Variants in DNAH3 observed in about 807,000 individuals in gnomAD.
DNAH3 encodes the protein axonemal beta dynein heavy chain 3.
DNAH3 carries 332 observed loss-of-function variants against 432.5 expected under a neutral mutation model. The observed-to-expected ratio is 0.77, with a 90% CI of 0.70 to 0.84. DNAH3 has a LOEUF of 0.84. DNAH3 is among the 40% of genes least tolerant of loss of function. DNAH3 has a pLI of 0.00. For synonymous variants in DNAH3, 1,956 were observed against 1,900.2 expected (o/e 1.03, Z -0.76); for missense variants, 4,861 against 5,114.0 (o/e 0.95, Z 1.51).
chr16:21,079,189 T>C (rs553978999), intron 20 of DNAH3, among the ~76,000 whole-genome samples: 1 of 152,348 alleles, frequency 6.6e-6, no homozygotes, highest in East Asian at 1.9e-4. Context: ...GTTCAAATCT[T>C]GATTCTTTCC....
chr16:20,939,372 G>A (rs1451204836), intron 59 of DNAH3, among the ~76,000 whole-genome samples: 2 of 152,186 alleles, frequency 1.3e-5, no homozygotes, highest in Non-Finnish European at 2.9e-5. Flanking sequence ...AGCACTTTGG[G>A]AGGCCAAGGT....
intron 37 of DNAH3, among the ~76,000 whole-genome samples, chr16:21,028,523 T>C (rs1012866999): frequency 2.1e-5 from 3 of 141,294 alleles, no homozygotes; most frequent in Non-Finnish European, 4.6e-5. Flanking sequence ...AAAAAAAAAA[T>C]AGCCGGGCAT....
At chr16:21,008,782 T>C (rs1046962281) in intron 41 of DNAH3, among the ~76,000 whole-genome samples, 2 of 152,124 alleles carry the variant, frequency 1.3e-5, no homozygotes, top group African/African-American at 4.8e-5. Context: ...GGGTGGCAGG[T>C]TCTGAGTTGG....
chr16:21,031,272 C>A lies in DNAH3; in HGVS notation c.5212G>T (p.Glu1738Ter). Residue 1738 changes from glutamate to a stop codon, truncating the protein, a stop_gained, in exon 37 of 62, where the codon GAG becomes TAG. Coordinates refer to ENST00000261383, the Ensembl canonical transcript of DNAH3. LOFTEE classifies it high-confidence loss of function. ...ATGATCTTGTACTCCACAGCAAACT[C>A]CTCCATCTGATTGGCTGGGCAAGAA... 1.2e-6 allele frequency: 2 copies of A among 1,614,170 alleles called. No individual in the cohort carries two copies. The highest frequency in any genetic ancestry group is 1.7e-6 in the Non-Finnish European group (2 of 1,180,032).
At chr16:21,042,396 CGTGT>C (rs377160556) in intron 31 of DNAH3, among the ~76,000 whole-genome samples, 193 bp from the exon 32 acceptor site, 7 of 151,756 alleles carry the variant, frequency 4.6e-5, no homozygotes, top group African/African-American at 1.7e-4. Context: ...TGTGCATGTG[CGTGT>C]GTGTGTGTGT....
chr16:20,985,222 AT>A lies in DNAH3; in HGVS notation c.7519del (p.Met2507CysfsTer3). The stretch of plus-strand genomic sequence containing the variant: ...AGGCACGTCACCTGTGTTCAGAAGC[AT>A]GTTGATGTCCTCCACGAATGATTCA... On this transcript the variant is annotated frameshift_variant, in exon 48 of 62. Coordinates refer to ENST00000261383, the Ensembl canonical transcript of DNAH3. LOFTEE classifies it high-confidence loss of function. 1 of 1,614,150 alleles carries A rather than the reference AT, an allele frequency of 6.2e-7. No individual in the cohort carries two copies. Among genetic ancestry groups the A allele is most frequent in the African/African-American group, 1.3e-5 (1 of 75,038 alleles).
At chr16:21,042,403 G>A (rs1398629542) in intron 31 of DNAH3, among the ~76,000 whole-genome samples, 200 bp from the exon 32 acceptor site, 1 of 152,132 alleles carries the variant, frequency 6.6e-6, no homozygotes, top group African/African-American at 2.4e-5. Flanking sequence ...GTGCGTGTGT[G>A]TGTGTGTTAA....
At chr16:20,987,595 A>G (rs2086260746) in intron 46 of DNAH3, 98 bp downstream of exon 46, 2 of 1,541,446 alleles carry the variant, frequency 1.3e-6, no homozygotes, top group Non-Finnish European at 1.8e-6. Context: ...GCATAGACTA[A>G]GTGCCTAATA....
chr16:21,042,250 C>A, intron 31 of DNAH3, 47 bp from the exon 32 acceptor site: 1 of 1,537,280 alleles, frequency 6.5e-7, no homozygotes, highest in Non-Finnish European at 8.8e-7. Context: ...TTCTGTCTGA[C>A]AACCACCCTA....
exon 17 of DNAH3, chr16:21,098,667 T>A: frequency 1.2e-6 from 2 of 1,613,870 alleles, no homozygotes; most frequent in Non-Finnish European, 1.7e-6. Context: ...CATTAAGCTT[T>A]TCAACATTGT....
chr16:21,014,056 G>A (rs374870041), intron 41 of DNAH3, among the ~76,000 whole-genome samples: 1 of 152,242 alleles, frequency 6.6e-6, no homozygotes, highest in South Asian at 2.1e-4. Flanking sequence ...GAAAATAGAA[G>A]CAGAGGACAC....
At chr16:21,075,529 T>C (rs768563520) in exon 21 of DNAH3, 1 of 1,614,050 alleles carries the variant, frequency 6.2e-7, no homozygotes. Context: ...CAGAGAGTAT[T>C]CCTTGCTGGC....
chr16:21,073,505 C>T (rs1457043226), intron 21 of DNAH3, among the ~76,000 whole-genome samples: 1 of 149,404 alleles, frequency 6.7e-6, no homozygotes, highest in South Asian at 2.1e-4. Context: ...TCCCTCTCAT[C>T]AGATCATGTA....
exon 62 of DNAH3, chr16:20,933,244 G>A: frequency 6.2e-7 from 1 of 1,614,270 alleles, no homozygotes. Context: ...AGAGGACATA[G>A]TTGGTAGAGT....
chr16:20,948,752 T>C (rs1318020802), intron 56 of DNAH3, 115 bp from the exon 57 acceptor site: 3 of 1,168,666 alleles, frequency 2.6e-6, no homozygotes, highest in East Asian at 4.9e-5. Context: ...GACATAGTGA[T>C]AGGGACAGCA....
At chr16:21,157,557 T>C (rs2092907342) in intron 1 of DNAH3, among the ~76,000 whole-genome samples, 1 of 152,162 alleles carries the variant, frequency 6.6e-6, no homozygotes, top group East Asian at 1.9e-4. Flanking sequence ...CTGGAACTCC[T>C]GGCCTCAAGT....
chr16:21,155,622 A>C (rs12925421), intron 1 of DNAH3, among the ~76,000 whole-genome samples: 1 of 21,754 alleles, frequency 4.6e-5, no homozygotes, highest in Non-Finnish European at 8.9e-5. Context: ...ACTCCGTCTC[A>C]AAAAAAAAAA....
chr16:21,025,254 T>C (rs1455081291), intron 38 of DNAH3, among the ~76,000 whole-genome samples: 1 of 151,748 alleles, frequency 6.6e-6, no homozygotes, highest in Non-Finnish European at 1.5e-5. Context: ...CCTAAAGTGT[T>C]TATATTTTTA....
chr16:21,008,540 C>T (rs552636202), intron 41 of DNAH3, among the ~76,000 whole-genome samples: 9 of 152,288 alleles, frequency 5.9e-5, no homozygotes, highest in South Asian at 4.1e-4. Flanking sequence ...CATGTCCCCA[C>T]GCAGCATAGG....
Sources: gnomAD v4.1 joint callset for allele counts (sites outside exome capture counted in the v4.1 genomes callset) on GRCh38, gnomAD v4.1.1 for gene constraint, MANE v1.5 for transcripts, NCBI Gene and HGNC (gene_info 2026-07-23, HGNC 2026-07-21) for gene names.